Variants in NELL1 observed in about 807,000 individuals in gnomAD.
NELL1 encodes the protein neural EGFL like 1, also known as protein kinase C-binding protein NELL1.
Under a neutral mutation model 107.4 loss-of-function variants are expected in NELL1, and 76 were observed. That is an observed-to-expected ratio of 0.71 (90% CI 0.59 to 0.86). NELL1 has a LOEUF of 0.86. Ranked by LOEUF, NELL1 falls within the 40% of genes least tolerant of loss-of-function variation. NELL1 has a pLI of 0.00. For synonymous variants in NELL1, 353 were observed against 341.2 expected (o/e 1.03, Z -0.38); for missense variants, 1,024 against 1,005.5 (o/e 1.02, Z -0.25).
chr11:21,041,414 A>G (rs1853228760), intron 12 of NELL1, among the ~76,000 whole-genome samples: 1 of 152,178 alleles, frequency 6.6e-6, no homozygotes, highest in Non-Finnish European at 1.5e-5. Context: ...TTTTATAGCA[A>G]AAAGTCAGAG....
chr11:21,468,101 T>C (rs961421728), intron 15 of NELL1, among the ~76,000 whole-genome samples: 1 of 152,104 alleles, frequency 6.6e-6, no homozygotes, highest in Non-Finnish European at 1.5e-5. Flanking sequence ...ATTACTAATA[T>C]CTGGCATTTT....
At chr11:20,677,061 G>A (rs966925984) in intron 1 of NELL1, among the ~76,000 whole-genome samples, 44 of 152,160 alleles carry the variant, frequency 2.9e-4, no homozygotes, top group Non-Finnish European at 6.3e-4. Context: ...CTCAAACAAG[G>A]GAAGAGGAGG....
chr11:20,895,504 CTT>C (rs71063675), intron 5 of NELL1, among the ~76,000 whole-genome samples: 1 of 100,022 alleles, frequency 1.0e-5, no homozygotes, highest in African/African-American at 3.5e-5. Flanking sequence ...TGATATTTGC[CTT>C]TTTTTTTTTT....
chr11:21,142,916 A>G lies in NELL1; in HGVS notation c.1426+29202A>G, dbSNP rs191597433. Among the ~76,000 whole-genome samples, 198 of 152,330 alleles carry G rather than the reference A, an allele frequency of 1.3e-3. 1 individual carries two copies. The highest frequency in any genetic ancestry group is 4.5e-3 in the African/African-American group (189 of 41,570). On this transcript the variant is annotated intron_variant, in intron 13 of 19. Transcript: ENST00000357134. ...ATGAAACAGACGCACGGTATGGCAC[A>G]ATTAAGACTATTTCTAGGCAGGTGG...
chr11:21,124,172 A>G (rs1855435366), intron 13 of NELL1, among the ~76,000 whole-genome samples: 1 of 152,222 alleles, frequency 6.6e-6, no homozygotes, highest in Non-Finnish European at 1.5e-5. Flanking sequence ...ATGAACCTAT[A>G]TACATATTAT....
intron 14 of NELL1, among the ~76,000 whole-genome samples, chr11:21,304,738 G>C (rs905086970): frequency 6.6e-6 from 1 of 151,754 alleles, no homozygotes; most frequent in Non-Finnish European, 1.5e-5. Flanking sequence ...CTAATATTCT[G>C]TATCATCGAC....
At chr11:21,369,285 A>G (rs867358123) in intron 14 of NELL1, among the ~76,000 whole-genome samples, 3 of 152,126 alleles carry the variant, frequency 2.0e-5, no homozygotes, top group Middle Eastern at 7.0e-3. Flanking sequence ...TTTTTGGGAC[A>G]AGAGATTTTA....
intron 2 of NELL1, among the ~76,000 whole-genome samples, chr11:20,694,146 A>G (rs561518587): frequency 6.6e-6 from 1 of 152,006 alleles, no homozygotes; most frequent in Non-Finnish European, 1.5e-5. Context: ...CAGCTCCTTT[A>G]AGCACTTCTC....
chr11:20,755,544 T>A (rs1189263290), intron 2 of NELL1, among the ~76,000 whole-genome samples: 911 of 41,508 alleles, frequency 0.022, 14 homozygotes, highest in South Asian at 0.032. Context: ...GTTTTTGTTT[T>A]TTTTTGTTTT....
intron 4 of NELL1, among the ~76,000 whole-genome samples, chr11:20,850,966 C>T (rs1848784651): frequency 6.6e-6 from 1 of 152,030 alleles, no homozygotes; most frequent in African/African-American, 2.4e-5. Flanking sequence ...GCATATAACC[C>T]AAACTTTGAG....
intron 15 of NELL1, among the ~76,000 whole-genome samples, chr11:21,453,168 T>C (rs1357552795): frequency 6.6e-6 from 1 of 151,986 alleles, no homozygotes; most frequent in Non-Finnish European, 1.5e-5. Flanking sequence ...TATTGCTCAT[T>C]TATTTTCTAC....
At chr11:21,191,707 C>A (rs1857053739) in intron 13 of NELL1, among the ~76,000 whole-genome samples, 1 of 151,912 alleles carries the variant, frequency 6.6e-6, no homozygotes, top group African/African-American at 2.4e-5. Flanking sequence ...ATTTGGCCTA[C>A]TCTTGGTAAG....
intron 12 of NELL1, among the ~76,000 whole-genome samples, chr11:21,103,958 C>A (rs1854885220): frequency 1.3e-5 from 2 of 152,160 alleles, no homozygotes; most frequent in African/African-American, 2.4e-5. Context: ...AGGCAGAGAC[C>A]ACATCCCACT....
intron 12 of NELL1, among the ~76,000 whole-genome samples, chr11:21,109,064 AC>A (rs1266895595): frequency 6.6e-6 from 1 of 152,084 alleles, no homozygotes; most frequent in Non-Finnish European, 1.5e-5. Context: ...TTCTATGCTT[AC>A]TGATTTTGTA....
At chr11:21,458,613 CA>C (rs887786153) in intron 15 of NELL1, among the ~76,000 whole-genome samples, 1 of 151,770 alleles carries the variant, frequency 6.6e-6, no homozygotes, top group East Asian at 1.9e-4. Flanking sequence ...AAATGAGAAA[CA>C]AAAAAGCTGA....
intron 4 of NELL1, among the ~76,000 whole-genome samples, chr11:20,877,299 A>G (rs1416517953): frequency 2.0e-5 from 3 of 152,226 alleles, no homozygotes; most frequent in African/African-American, 4.8e-5. Context: ...CTCTTCATTT[A>G]CTGTCTCATT....
intron 14 of NELL1, among the ~76,000 whole-genome samples, chr11:21,249,210 G>T (rs1241408748): frequency 6.6e-6 from 1 of 152,100 alleles, no homozygotes; most frequent in African/African-American, 2.4e-5. Flanking sequence ...TTTTATGAGG[G>T]TGAGATATAT....
At chr11:20,790,159 G>C (rs886475317) in intron 3 of NELL1, among the ~76,000 whole-genome samples, 1 of 152,166 alleles carries the variant, frequency 6.6e-6, no homozygotes, top group Non-Finnish European at 1.5e-5. Context: ...AGCCTCACTG[G>C]GGAGCCAGCC....
chr11:21,366,471 TA>T (rs1851224192), intron 14 of NELL1, among the ~76,000 whole-genome samples: 1 of 152,124 alleles, frequency 6.6e-6, no homozygotes, highest in Non-Finnish European at 1.5e-5. Flanking sequence ...AGCTTTTATT[TA>T]TTTAAACAGT....
Sources: allele counts gnomAD v4.1 joint callset (sites outside exome capture counted in the v4.1 genomes callset), GRCh38; gene constraint gnomAD v4.1.1; transcripts MANE v1.5; gene names NCBI Gene and HGNC (gene_info 2026-07-23, HGNC 2026-07-21).